The following SMARCA2 variants were observed in gnomAD, a reference collection of about 807,000 sequenced individuals.
SMARCA2 encodes SWI/SNF related BAF chromatin remodeling complex subunit ATPase 2.
Under a neutral mutation model 199.8 loss-of-function variants are expected in SMARCA2, and 61 were observed. The ratio of observed to expected loss-of-function variants is 0.31; its 90% confidence interval spans 0.25 to 0.38. The LOEUF is 0.38. Among genes scored for constraint, SMARCA2 ranks in the 10% least tolerant of loss-of-function variants. The pLI is 1.00. For missense variants in SMARCA2, 1,344 were observed against 2,012.2 expected (o/e 0.67, Z 6.35); for synonymous variants, 935 against 732.0 (o/e 1.28, Z -4.48).
chr9:2,096,780 T>C lies in SMARCA2; in HGVS notation c.2991+16T>C. 6.9e-7 allele frequency: 1 copy of C among 1,455,548 alleles called. No individual in the cohort carries two copies. The highest frequency in any genetic ancestry group is 9.7e-7 in the Non-Finnish European group (1 of 1,035,162). The allele number at this position is 1,455,548 out of a possible 1,614,324, so 90.2% of individuals were successfully genotyped here. A position where few individuals can be genotyped will look rare whatever the true frequency, so the allele number is the denominator to read the frequency against. On this transcript the variant is annotated intron_variant, in intron 20 of 33. Transcript: ENST00000349721. The stretch of plus-strand genomic sequence containing the variant: ...AGATAAGAAGGTACGTTGCGAAAGA[T>C]GATGCAACTCAAGGTGCTGTGGTAT...
chr9:2,180,096 T>C (rs908578013), intron 29 of SMARCA2, among the ~76,000 whole-genome samples: 2 of 152,162 alleles, frequency 1.3e-5, no homozygotes, highest in Non-Finnish European at 1.5e-5. Flanking sequence ...ATGTGAGGGG[T>C]AGGGGTGGTT....
At chr9:2,185,508 T>C (rs1335533624) in intron 31 of SMARCA2, among the ~76,000 whole-genome samples, 1 of 152,322 alleles carries the variant, frequency 6.6e-6, no homozygotes, top group East Asian at 1.9e-4. Context: ...ACGCCTCTTG[T>C]GATTCTTTAT....
rs1827995583 is a variant in SMARCA2, at chr9:2,192,953, G to A, written c.*214G>A. The A allele has an allele frequency of 4.0e-6, 2 of 502,320 alleles. No individual in the cohort carries two copies. Among genetic ancestry groups the A allele is most frequent in the Non-Finnish European group, 7.0e-6 (2 of 285,476 alleles). The allele number at this position is 502,320 out of a possible 1,614,324, so 31.1% of individuals were successfully genotyped here. A position where few individuals can be genotyped will look rare whatever the true frequency, so the allele number is the denominator to read the frequency against. On this transcript the variant is annotated 3_prime_UTR_variant, in exon 34 of 34. Transcript: ENST00000349721. ...TTTGTAACATATTGTGACCAAATGG[G>A]CCTCAAAGATTCAGATTGAAACAAA...
At chr9:2,047,644 G>C (rs1221668055) in intron 5 of SMARCA2, 160 bp downstream of exon 5, 1 of 881,752 alleles carries the variant, frequency 1.1e-6, no homozygotes, top group Non-Finnish European at 1.5e-6. Flanking sequence ...CCGGTGCTGA[G>C]GGGAGGCACC....
Position 2,101,632 on chromosome 9 carries a change from T to A in SMARCA2, c.3125+16T>A, listed in dbSNP as rs754164098. On this transcript the variant is annotated intron_variant, in intron 22 of 33. Coordinates refer to ENST00000349721, the MANE Select transcript of SMARCA2 (RefSeq NM_003070.5). Reference sequence around the variant, plus strand: ...TCATCAATGGGTAAATCTCAAATTTTTTTTTCTTTTAAAAAAAAATGTTGT... The same window carrying A: ...TCATCAATGGGTAAATCTCAAATTTATTTTTCTTTTAAAAAAAAATGTTGT... 1.3e-5 allele frequency: 19 copies of A among 1,451,504 alleles called. No individual in the cohort carries two copies. In the South Asian group the frequency reaches 1.9e-4, roughly 15 times the overall value. The allele number at this position is 1,451,504 out of a possible 1,614,324, so 89.9% of individuals were successfully genotyped here.
chr9:2,089,188 T>C (rs1424445732), intron 19 of SMARCA2, among the ~76,000 whole-genome samples: 1 of 152,200 alleles, frequency 6.6e-6, no homozygotes, highest in African/African-American at 2.4e-5. Context: ...AGCCAGTATT[T>C]TTCGGACTAA....
At chr9:2,180,109 G>C (rs185507164) in intron 29 of SMARCA2, among the ~76,000 whole-genome samples, 109 of 152,292 alleles carry the variant, frequency 7.2e-4, no homozygotes, top group African/African-American at 2.0e-3. Flanking sequence ...GGGTGGTTGA[G>C]AGGGTGAGAG....
intron 6 of SMARCA2, among the ~76,000 whole-genome samples, chr9:2,055,021 TG>T (rs1030171305): frequency 7.2e-5 from 11 of 152,104 alleles, no homozygotes; most frequent in African/African-American, 2.7e-4. Flanking sequence ...TGGGAACAAG[TG>T]GGGTAGCTCA....
intron 27 of SMARCA2, among the ~76,000 whole-genome samples, chr9:2,151,947 A>T (rs1420165567): frequency 6.6e-6 from 1 of 151,890 alleles, no homozygotes; most frequent in African/African-American, 2.4e-5. Context: ...TATTCAGGCC[A>T]AAGTGTTTAA....
At chr9:2,168,852 T>G (rs1439183349) in intron 28 of SMARCA2, among the ~76,000 whole-genome samples, 1 of 152,228 alleles carries the variant, frequency 6.6e-6, no homozygotes, top group African/African-American at 2.4e-5. Flanking sequence ...CTTTGGTTGT[T>G]CAGAACCCAC....
rs770690970 is a variant in SMARCA2, at chr9:2,058,472, A to G, written c.1521+8A>G. Reference sequence around the variant, plus strand: ...AGAATGCGGCGACTGATGGTAAGGAACTCCCTGCAGGAGCCCAGGAAACTA... The same window carrying G: ...AGAATGCGGCGACTGATGGTAAGGAGCTCCCTGCAGGAGCCCAGGAAACTA... On this transcript the variant is annotated splice_region_variant and intron_variant, in intron 8 of 33. Transcript: ENST00000349721. 14 of 1,612,688 alleles carry G rather than the reference A, an allele frequency of 8.7e-6. No homozygotes were observed. The highest frequency in any genetic ancestry group is 1.1e-5 in the Non-Finnish European group (13 of 1,179,138).
Position 2,170,426 on chromosome 9 carries a change from G to C in SMARCA2, c.4207G>C (p.Val1403Leu). The C allele has an allele frequency of 6.2e-7, 1 of 1,614,102 alleles. No homozygotes were observed. ...TVINYKDRCN[V>L]EKVPSNSQLE... Reference sequence around the variant, plus strand: ...CTTTCTACTCTACCGCAGGTGTAACGTGGAGAAGGTGCCCAGTAATTCTCA... The same window carrying C: ...CTTTCTACTCTACCGCAGGTGTAACCTGGAGAAGGTGCCCAGTAATTCTCA... Residue 1403 changes from valine (V) to leucine (L), a missense_variant, in exon 29 of 34, where the codon GTG becomes CTG. Physicochemically the swap from Val to Leu is conservative, Grantham distance 32. Coordinates refer to ENST00000349721, the MANE Select transcript of SMARCA2 (RefSeq NM_003070.5). The surrounding 1 kb of genome is among the most constrained non-coding windows in gnomAD (Gnocchi z 4.7).
In SMARCA2 at chr9:2,153,147, C is replaced by T. The variant is rs573828900; in HGVS notation, c.3982-8539C>T. ...AAAGGATAAAATGTTGGAAGCCAACCCAAATTTAGGAGTATGGCAGTTTTC... is the reference window on the plus strand; with the variant it reads ...AAAGGATAAAATGTTGGAAGCCAACTCAAATTTAGGAGTATGGCAGTTTTC... On this transcript the variant is annotated intron_variant, in intron 27 of 33. Transcript: ENST00000349721. Among the ~76,000 whole-genome samples, 4 of 152,186 alleles carry T rather than the reference C, an allele frequency of 2.6e-5. No homozygotes were observed. In the South Asian group the frequency reaches 8.3e-4, roughly 32 times the overall value.
chr9:2,132,020 G>T (rs1035282580), intron 27 of SMARCA2, among the ~76,000 whole-genome samples: 1 of 151,684 alleles, frequency 6.6e-6, no homozygotes, highest in Non-Finnish European at 1.5e-5. Flanking sequence ...CATCTCAAGA[G>T]AATTTAGTGT....
At chr9:2,181,090 C>T (rs1431995284) in intron 29 of SMARCA2, 3 of 153,608 alleles carry the variant, frequency 2.0e-5, no homozygotes, top group Non-Finnish European at 4.3e-5. Flanking sequence ...CTTGAGTTTC[C>T]AGAGTATATT....
rs1245060732 is a variant in SMARCA2, at chr9:2,054,614, C to G, written c.1064C>G (p.Ala355Gly). 3.1e-6 allele frequency: 5 copies of G among 1,613,946 alleles called. No individual in the cohort carries two copies. The Admixed American group carries it at 5.0e-5, about 16-fold the overall frequency. ...TCCTTTAGACTTCAGGCCCGCATAG[C>G]TCATAGGATACAAGAACTGGAAAAT... Reference protein sequence around the residue: ...EREYRLQARIAHRIQELENLP... With the variant: ...EREYRLQARIGHRIQELENLP... The change falls in exon 6 of 34, where the codon GCT (alanine) becomes GGT (glycine). Residue 355 changes from alanine to glycine, a missense_variant. Around this residue, in one of 18 missense-constraint regions of SMARCA2, gnomAD observed 155 missense variants for 260.0 expected, o/e 0.60. Coordinates refer to ENST00000349721, the MANE Select transcript of SMARCA2 (RefSeq NM_003070.5).
At chr9:2,117,869 TGATGTAAA>T (rs1178517898) in intron 25 of SMARCA2, among the ~76,000 whole-genome samples, 1 of 152,202 alleles carries the variant, frequency 6.6e-6, no homozygotes, top group Non-Finnish European at 1.5e-5. Flanking sequence ...GCTTGTGTCC[TGATGTAAA>T]GATGTTTGAA....
intron 27 of SMARCA2, among the ~76,000 whole-genome samples, chr9:2,157,518 G>A (rs1028585340): frequency 2.2e-4 from 34 of 152,230 alleles, no homozygotes; most frequent in Non-Finnish European, 4.4e-4. Context: ...TCAGTGGACA[G>A]AAATATGATA....
chr9:2,130,254 C>T (rs1052306688), intron 27 of SMARCA2, among the ~76,000 whole-genome samples: 1 of 152,246 alleles, frequency 6.6e-6, no homozygotes, highest in Admixed American at 6.5e-5. Flanking sequence ...AGGCTCTCCT[C>T]CTTGCCTTCC....
Sources: allele counts gnomAD v4.1 joint callset (sites outside exome capture counted in the v4.1 genomes callset), GRCh38; gene constraint gnomAD v4.1.1; regional missense constraint gnomAD v4.1.1; non-coding constraint Gnocchi (gnomAD v3.1); transcripts MANE v1.5; gene names NCBI Gene and HGNC (gene_info 2026-07-23, HGNC 2026-07-21).